The following DUOX1 variants were observed in gnomAD, a reference collection of about 807,000 sequenced individuals.
The protein encoded by DUOX1 is NADPH thyroid oxidase 1.
A neutral mutation model predicts 181.8 loss-of-function variants in DUOX1; 134 were observed. That is an observed-to-expected ratio of 0.74 (90% CI 0.64 to 0.85). The LOEUF (loss-of-function observed/expected upper bound fraction) is 0.85, where lower values mean the gene tolerates loss of function less well. Ranked by LOEUF, DUOX1 falls within the 40% of genes least tolerant of loss-of-function variation. The pLI is 0.00. For synonymous variants in DUOX1, 798 were observed against 832.5 expected (o/e 0.96, Z 0.71); for missense variants, 1,814 against 2,064.4 (o/e 0.88, Z 2.35).
At chr15:45,132,064 G>A (rs1896172303) in intron 2 of DUOX1, 40 bp downstream of exon 2, 1 of 1,551,524 alleles carries the variant, frequency 6.4e-7, no homozygotes, top group African/African-American at 1.4e-5. Context: ...TAGGAGCAGA[G>A]GAACCCAGCA....
In DUOX1 at chr15:45,139,150, T is replaced by C; in HGVS notation, c.1198T>C (p.Leu400=). ...GATCGCAGAGCGAGAGGACCATGTG[T>C]TGGTTGAAGATGTGCGGGGTGAGTC... The part of the protein sequence containing the change: ...SQIAEREDHV[L]VEDVRDFWPG... The change falls in exon 11 of 34, where the codon TTG becomes CTG. Residue 400 remains leucine, a synonymous_variant. Coordinates refer to ENST00000389037, the MANE Select transcript of DUOX1 (RefSeq NM_175940.3). The C allele has an allele frequency of 6.2e-7, 1 of 1,614,054 alleles. No homozygotes were observed. The highest frequency in any genetic ancestry group is 1.3e-5 in the African/African-American group (1 of 75,006).
At position 45,141,019 on chromosome 15, in the gene DUOX1, T is replaced by G. The variant is rs970888846; in HGVS notation, c.1514T>G (p.Phe505Cys). ...PLFSTIVLEQFVRLRDGDRYW... is the reference protein window; with the variant it reads ...PLFSTIVLEQCVRLRDGDRYW... ...TTCAGCACCATCGTCCTTGAACAAT[T>G]TGTGCGGCTACGGGATGGTGACCGC... is the stretch of plus-strand genomic sequence containing the variant. The change falls in exon 13 of 34, where the codon TTT becomes TGT. Residue 505 changes from phenylalanine (F) to cysteine (C), a missense_variant. Physicochemically the swap from Phe to Cys is radical, Grantham distance 205. Transcript: ENST00000389037. The G allele has an allele frequency of 3.7e-6, 6 of 1,614,032 alleles. No individual in the cohort carries two copies. The African/African-American group carries it at 8.0e-5, about 22-fold the overall frequency.
In DUOX1 at chr15:45,151,200, C is replaced by T. The variant is rs747448388; in HGVS notation, c.2966C>T (p.Pro989Leu). The change falls in exon 23 of 34, where the codon CCC becomes CTC. Residue 989 changes from proline (P) to leucine (L), a missense_variant. Physicochemically the swap from Pro to Leu is moderately conservative, Grantham distance 98. This residue lies in a region of DUOX1 where 1,064 missense variants were observed against 1,152.9 expected (regional missense o/e 0.92). Coordinates refer to ENST00000389037, the MANE Select transcript of DUOX1 (RefSeq NM_175940.3). ...TTGACACCTCAGAGACTGCAGTGCC[C>T]CATGGACACAGACCCTCCCCAGGAG... ...TELTPQRLQC[P>L]MDTDPPQEIR... 1.2e-6 allele frequency: 2 copies of T among 1,614,184 alleles called. No homozygotes were observed. Among genetic ancestry groups the T allele is most frequent in the South Asian group, 2.2e-5 (2 of 91,084 alleles).
Position 45,144,194 on chromosome 15 carries a change from C to T in DUOX1, c.2095C>T (p.Arg699Cys), listed in dbSNP as rs142047330. 7.0e-4 allele frequency: 1,136 copies of T among 1,614,100 alleles called. 2 individuals are homozygous for T. Among genetic ancestry groups the T allele is most frequent in the Non-Finnish European group, 8.3e-4 (984 of 1,180,044 alleles). The change falls in exon 17 of 34, where the codon CGC becomes TGC. Residue 699 changes from arginine to cysteine, a missense_variant. This residue lies in a region of DUOX1 where 1,064 missense variants were observed against 1,152.9 expected (regional missense o/e 0.92). Transcript: ENST00000389037. The stretch of plus-strand genomic sequence containing the variant: ...CTTCGTCCTGTCCAGCAACCGTGGA[C>T]GCCGCACTCTGCTGCTCAAGATCCC... The part of the protein sequence containing the change: ...VNFVLSSNRG[R>C]RTLLLKIPKE...
chr15:45,142,140 G>A (rs777642848), intron 15 of DUOX1, 28 bp downstream of exon 15: 29 of 1,605,250 alleles, frequency 1.8e-5, no homozygotes, highest in Non-Finnish European at 2.4e-5. Flanking sequence ...GTGGGGTGGG[G>A]TGAGAGATGC....
Position 45,163,520 on chromosome 15 carries a change from C to T in DUOX1, c.4249-12C>T, listed in dbSNP as rs1030447352. 1.2e-6 allele frequency: 2 copies of T among 1,613,752 alleles called. No homozygotes were observed. The highest frequency in any genetic ancestry group is 2.7e-5 in the African/African-American group (2 of 74,924). On this transcript the variant is annotated splice_polypyrimidine_tract_variant and intron_variant, in intron 31 of 33. Coordinates refer to ENST00000389037, the MANE Select transcript of DUOX1 (RefSeq NM_175940.3). ...CTGAGATGGGTCCTGAACTCCAGCC[C>T]TGTGTCCCCAGATCTACTTCATCTG... is the stretch of plus-strand genomic sequence containing the variant.
intron 18 of DUOX1, among the ~76,000 whole-genome samples, chr15:45,146,597 G>T (rs1011269209): frequency 6.6e-6 from 1 of 152,236 alleles, no homozygotes; most frequent in South Asian, 2.1e-4. Flanking sequence ...ATGAGGAAAT[G>T]AATTCCAGGC....
intron 2 of DUOX1, among the ~76,000 whole-genome samples, chr15:45,133,368 G>A (rs967519454): frequency 1.3e-5 from 2 of 152,156 alleles, no homozygotes; most frequent in African/African-American, 4.8e-5. Context: ...AGCCAGAGAT[G>A]ACTAGTCCCC....
chr15:45,148,214 C>T (rs1896705615), intron 20 of DUOX1, 58 bp from the exon 21 acceptor site: 2 of 1,609,830 alleles, frequency 1.2e-6, no homozygotes. Flanking sequence ...TCAGTGTGTC[C>T]TGTGTCTGGG....
intron 25 of DUOX1, 93 bp from the exon 26 acceptor site, chr15:45,153,287 C>G (rs1896864753): frequency 1.1e-6 from 1 of 902,136 alleles, no homozygotes; most frequent in African/African-American, 1.6e-5. Flanking sequence ...CTCTGGGACC[C>G]CCACTCTGGC....
chr15:45,130,988 G>C (rs1171492779), intron 1 of DUOX1, among the ~76,000 whole-genome samples: 1 of 152,226 alleles, frequency 6.6e-6, no homozygotes, highest in Non-Finnish European at 1.5e-5. Context: ...GAGCTTTCCA[G>C]TTATGGCAGG....
chr15:45,149,997 C>T (rs1017700401), intron 21 of DUOX1, among the ~76,000 whole-genome samples: 2 of 152,230 alleles, frequency 1.3e-5, no homozygotes, highest in African/African-American at 4.8e-5. Context: ...AGCTTATCTT[C>T]TTTTGACCTC....
intron 1 of DUOX1, among the ~76,000 whole-genome samples, chr15:45,130,687 G>C (rs76887185): frequency 0.043 from 6,593 of 152,282 alleles, 483 homozygotes; most frequent in East Asian, 0.33. Flanking sequence ...CACCCACAAG[G>C]AGTGGTTATT....
rs138979471 is a variant in DUOX1 at position 45,150,956 on chromosome 15, A to G, written c.2889-167A>G. ...GGCATATGCAGCAGCCTTAGCGAGG[A>G]CCCCCAAGATCAGACTCTGTCTATA... On this transcript the variant is annotated intron_variant, in intron 22 of 33. Transcript: ENST00000389037. Among the ~76,000 whole-genome samples the G allele has an allele frequency of 1.7e-3, 261 of 152,170 alleles. 1 individual carries two copies. Among genetic ancestry groups the G allele is most frequent in the African/African-American group, 6.1e-3 (253 of 41,512 alleles).
At chr15:45,140,068 A>G (rs1489663796) in intron 12 of DUOX1, 2 of 1,373,174 alleles carry the variant, frequency 1.5e-6, no homozygotes, top group Non-Finnish European at 2.0e-6. Flanking sequence ...GGTGTTCTCA[A>G]ACCAGTAGCG....
intron 19 of DUOX1, 25 bp from the exon 20 acceptor site, chr15:45,147,879 C>T (rs1896695583): frequency 1.2e-6 from 2 of 1,603,828 alleles, no homozygotes; most frequent in Admixed American, 1.7e-5. Context: ...CGGGGGCTCT[C>T]CTTATGGAGT....
At chr15:45,131,741 G>A (rs1896155903) in intron 1 of DUOX1, 177 bp from the exon 2 acceptor site, 3 of 585,472 alleles carry the variant, frequency 5.1e-6, no homozygotes, top group Non-Finnish European at 3.0e-6. Flanking sequence ...ATGTAGTGGT[G>A]CTCATGAAGT....
At chr15:45,150,914 C>CAGCAG (rs1896784488) in intron 22 of DUOX1, among the ~76,000 whole-genome samples, 1 of 152,188 alleles carries the variant, frequency 6.6e-6, no homozygotes. Flanking sequence ...GGCCCAGATG[C>CAGCAG]CCTTGTGAAG....
intron 24 of DUOX1, 28 bp from the exon 25 acceptor site, chr15:45,152,258 C>A (rs1053792362): frequency 1.9e-6 from 3 of 1,596,804 alleles, no homozygotes; most frequent in Admixed American, 1.7e-5. Context: ...CACTGACCCT[C>A]GCTTGCCTGC....
Sources: allele counts gnomAD v4.1 joint callset (sites outside exome capture counted in the v4.1 genomes callset), GRCh38; gene constraint gnomAD v4.1.1; regional missense constraint gnomAD v4.1.1; transcripts MANE v1.5; gene names NCBI Gene and HGNC (gene_info 2026-07-23, HGNC 2026-07-21).